NDST4: variants seen among roughly 807,000 people sequenced by gnomAD.
NDST4 encodes the protein N-heparan sulfate sulfotransferase 4.
In NDST4, 63 loss-of-function variants were observed where a neutral mutation model predicts 100.8. The ratio of observed to expected loss-of-function variants is 0.62; its 90% CI spans 0.51 to 0.77. The LOEUF (loss-of-function observed/expected upper bound fraction) is 0.77, where lower values mean the gene tolerates loss of function less well. Among genes scored for constraint, NDST4 ranks in the 30% least tolerant of loss-of-function variants. The pLI is 0.00. For missense variants in NDST4, 943 were observed against 1,018.4 expected (o/e 0.93, Z 1.01); for synonymous variants, 377 against 361.8 (o/e 1.04, Z -0.48).
At chr4:114,917,604 C>G (rs1440945800) in intron 6 of NDST4, among the ~76,000 whole-genome samples, 1 of 151,812 alleles carries the variant, frequency 6.6e-6, no homozygotes, top group Non-Finnish European at 1.5e-5. Context: ...ATAGTGAGAC[C>G]CTGTCTCTAA....
In NDST4 at chr4:114,954,100, C is replaced by A. The variant is rs190418751; in HGVS notation, c.1221+16330G>T. Reference sequence around the variant, plus strand: ...TATATTCAAGATCATTCACATACTCCATTTTCTAAACATTTAGCAAATTTT... The same window carrying A: ...TATATTCAAGATCATTCACATACTCAATTTTCTAAACATTTAGCAAATTTT... On this transcript the variant is annotated intron_variant, in intron 4 of 13. Transcript: ENST00000264363. Among the ~76,000 whole-genome samples the A allele has an allele frequency of 7.3e-3, 1,116 of 152,210 alleles. 15 individuals are homozygous for A. Among genetic ancestry groups the A allele is most frequent in the Middle Eastern group, 0.017 (5 of 294 alleles).
At chr4:114,977,397 G>T in intron 2 of NDST4, 123 bp from the exon 3 acceptor site, 1 of 586,746 alleles carries the variant, frequency 1.7e-6, no homozygotes, top group South Asian at 2.2e-5. Flanking sequence ...TTTTTGATGG[G>T]TACTGTTATG....
At chr4:115,075,095 A>T (rs1356918815) in intron 2 of NDST4, among the ~76,000 whole-genome samples, 1 of 152,174 alleles carries the variant, frequency 6.6e-6, no homozygotes, top group Non-Finnish European at 1.5e-5. Flanking sequence ...CAGTCAATTG[A>T]TCAAAACCTA....
At chr4:114,891,579 G>T (rs1419860176) in intron 6 of NDST4, among the ~76,000 whole-genome samples, 1 of 151,814 alleles carries the variant, frequency 6.6e-6, no homozygotes, top group Non-Finnish European at 1.5e-5. Flanking sequence ...TTCTTTATTT[G>T]TATTTCCATC....
chr4:115,002,202 C>T (rs934599222), intron 2 of NDST4, among the ~76,000 whole-genome samples: 1 of 152,138 alleles, frequency 6.6e-6, no homozygotes, highest in African/African-American at 2.4e-5. Context: ...GTCTAGCTGG[C>T]ATGAGATGGT....
At chr4:114,967,786 T>A (rs914986575) in intron 4 of NDST4, among the ~76,000 whole-genome samples, 31 of 152,034 alleles carry the variant, frequency 2.0e-4, no homozygotes, top group African/African-American at 7.2e-4. Context: ...CCATATTTTT[T>A]TTAAAAAAAA....
intron 1 of NDST4, among the ~76,000 whole-genome samples, chr4:115,093,506 A>G (rs1729563366): frequency 6.6e-6 from 1 of 152,026 alleles, no homozygotes; most frequent in Non-Finnish European, 1.5e-5. Context: ...GAAGACCTAA[A>G]TAATATGACT....
chr4:115,092,025 G>A (rs1040157137), intron 1 of NDST4, among the ~76,000 whole-genome samples: 2 of 152,062 alleles, frequency 1.3e-5, no homozygotes, highest in Non-Finnish European at 2.9e-5. Context: ...TCCTTAATTA[G>A]GTTTAGTAAC....
chr4:115,031,730 T>C lies in NDST4; in HGVS notation c.978+44329A>G, dbSNP rs142851489. Among the ~76,000 whole-genome samples the C allele has an allele frequency of 8.6e-3, 1,305 of 152,182 alleles. 10 individuals carry two copies. Among genetic ancestry groups the C allele is most frequent in the Non-Finnish European group, 0.014 (918 of 67,986 alleles). On this transcript the variant is annotated intron_variant, in intron 2 of 13. Transcript: ENST00000264363. The stretch of plus-strand genomic sequence containing the variant: ...TTGTCCTAGTAATTATATGCAAAAA[T>C]GAATCTTTACTCTGGAGCTTCCTTA...
At position 114,839,526 on chromosome 4, in the gene NDST4, G is replaced by A; in HGVS notation, c.2138C>T (p.Pro713Leu). 1.2e-6 allele frequency: 2 copies of A among 1,613,102 alleles called. No homozygotes were observed. Among genetic ancestry groups the A allele is most frequent in the Non-Finnish European group, 1.7e-6 (2 of 1,179,628 alleles). Residue 713 changes from proline to leucine, a missense_variant, in exon 11 of 14, where the codon CCA becomes CTA. By Grantham distance (98) the Pro-to-Leu change is moderately conservative. Coordinates refer to ENST00000264363, the MANE Select transcript of NDST4 (RefSeq NM_022569.3). ...ATAGAAATTGAACCTCAGAGCAGCT[G>A]GATCTTCATGTGATCGTTGGTGCTT... ...WYQHQRSHED[P>L]AALRFNFYEV... is the part of the protein sequence containing the mutation.
intron 2 of NDST4, among the ~76,000 whole-genome samples, chr4:115,070,471 C>G (rs1458510406): frequency 6.6e-6 from 1 of 152,012 alleles, no homozygotes; most frequent in Non-Finnish European, 1.5e-5. Context: ...AAAACATGAC[C>G]ATATCTCTGA....
At chr4:114,980,963 AG>A (rs1207149608) in intron 2 of NDST4, among the ~76,000 whole-genome samples, 1 of 152,120 alleles carries the variant, frequency 6.6e-6, no homozygotes, top group Non-Finnish European at 1.5e-5. Flanking sequence ...CTATATTACT[AG>A]CACTTTGGGA....
intron 2 of NDST4, among the ~76,000 whole-genome samples, chr4:115,026,685 G>A (rs75056744): frequency 0.3 from 43,910 of 147,158 alleles, 6,544 homozygotes; most frequent in South Asian, 0.5. Flanking sequence ...TTTTTTTGGC[G>A]GGGGGGTTGC....
intron 2 of NDST4, among the ~76,000 whole-genome samples, chr4:115,007,050 G>T (rs1266729548): frequency 6.6e-6 from 1 of 151,998 alleles, no homozygotes; most frequent in African/African-American, 2.4e-5. Context: ...TCAGCCTCAG[G>T]GCTTAATTCC....
Position 115,082,525 on chromosome 4 carries a change from G to T in NDST4, c.-246-5243C>A, listed in dbSNP as rs1024027238. Reference sequence around the variant, plus strand: ...GTGTGGTTGTTTCTTTGTTGAAGGTGATCTGATGAGCTGTACAGATCACTA... The same window carrying T: ...GTGTGGTTGTTTCTTTGTTGAAGGTTATCTGATGAGCTGTACAGATCACTA... On this transcript the variant is annotated intron_variant, in intron 1 of 13. Transcript: ENST00000264363. Among the ~76,000 whole-genome samples, 7 of 152,094 alleles carry T rather than the reference G, an allele frequency of 4.6e-5. No individual in the cohort carries two copies. The East Asian group carries it at 1.4e-3, about 29-fold the overall frequency.
intron 2 of NDST4, among the ~76,000 whole-genome samples, chr4:115,018,973 G>A (rs1334560192): frequency 6.6e-6 from 1 of 151,750 alleles, no homozygotes; most frequent in African/African-American, 2.4e-5. Context: ...AATTATCTTG[G>A]AGACAACATT....
intron 6 of NDST4, among the ~76,000 whole-genome samples, chr4:114,886,104 G>T (rs1007276247): frequency 6.6e-6 from 1 of 152,012 alleles, no homozygotes; most frequent in Non-Finnish European, 1.5e-5. Context: ...TATTTCAAAA[G>T]ACTTCAAGTA....
chr4:114,850,019 T>C (rs1179290015), intron 8 of NDST4, among the ~76,000 whole-genome samples: 3 of 152,246 alleles, frequency 2.0e-5, no homozygotes, highest in African/African-American at 7.2e-5. Context: ...GAGTAGAAAC[T>C]GGAAGGAAAC....
intron 2 of NDST4, among the ~76,000 whole-genome samples, chr4:115,055,235 A>G (rs922671932): frequency 2.6e-5 from 4 of 152,098 alleles, no homozygotes; most frequent in African/African-American, 9.7e-5. Flanking sequence ...CACTGATTCT[A>G]CGTTATGGTA....
Sources: gnomAD v4.1 joint callset for allele counts (sites outside exome capture counted in the v4.1 genomes callset) on GRCh38, gnomAD v4.1.1 for gene constraint, MANE v1.5 for transcripts, NCBI Gene and HGNC (gene_info 2026-07-23, HGNC 2026-07-21) for gene names.